RNF13: variants seen among roughly 807,000 people sequenced by gnomAD.
RNF13 encodes the protein ring finger protein 13.
Under a neutral mutation model 37.7 loss-of-function variants are expected in RNF13, and 19 were observed. The ratio of observed to expected loss-of-function variants is 0.50; its 90% CI spans 0.35 to 0.74. The LOEUF (loss-of-function observed/expected upper bound fraction) is 0.74. RNF13 is among the 30% of genes least tolerant of loss of function. The probability of loss-of-function intolerance (pLI) is 0.01; values close to 1 mark genes in which losing one functional copy is unlikely to be tolerated. For synonymous variants in RNF13, 144 were observed against 157.8 expected (o/e 0.91, Z 0.65); for missense variants, 375 against 453.0 (o/e 0.83, Z 1.56).
At chr3:149,950,903 T>C (rs1452344431) in intron 8 of RNF13, among the ~76,000 whole-genome samples, 1 of 152,144 alleles carries the variant, frequency 6.6e-6, no homozygotes, top group Non-Finnish European at 1.5e-5. Context: ...TTCTGTTCCA[T>C]GTAGGTTAGA....
intron 4 of RNF13, among the ~76,000 whole-genome samples, chr3:149,885,426 A>G (rs568012745): frequency 2.8e-4 from 43 of 152,148 alleles, no homozygotes; most frequent in Non-Finnish European, 1.2e-4. Context: ...AAGCATTTCA[A>G]CTGGGGTGAG....
intron 2 of RNF13, chr3:149,851,534 C>T (rs1723119944): frequency 6.6e-6 from 1 of 152,178 alleles, no homozygotes; most frequent in Non-Finnish European, 1.5e-5. Context: ...CTTGATCCTT[C>T]CATCTTTTCT....
chr3:149,838,326 G>A (rs1198469236), intron 1 of RNF13, among the ~76,000 whole-genome samples: 6 of 152,178 alleles, frequency 3.9e-5, no homozygotes, highest in Admixed American at 3.9e-4. Flanking sequence ...ACCAGGTGGT[G>A]CCTCAGTAGG....
rs35102088 is a variant in RNF13, at chr3:149,877,367, A to G, written c.321+5213A>G. 4.7e-3 allele frequency among the ~76,000 whole-genome samples: 711 copies of G among 152,138 alleles called. 3 individuals carry two copies. Among genetic ancestry groups the G allele is most frequent in the Middle Eastern group, 0.01 (3 of 294 alleles). ...CTAAGCCTAGATATTTATTTATCCC[A>G]CAGATATTTTTCTCTAGTTCTCAAT... On this transcript the variant is annotated intron_variant, in intron 4 of 9. Coordinates refer to ENST00000392894, the MANE Select transcript of RNF13 (RefSeq NM_183381.3).
chr3:149,942,394 G>A (rs934424696), intron 8 of RNF13, among the ~76,000 whole-genome samples: 72 of 152,170 alleles, frequency 4.7e-4, no homozygotes, highest in African/African-American at 1.7e-3. Context: ...TTAGTTTGTA[G>A]TGTAGAAACC....
intron 6 of RNF13, among the ~76,000 whole-genome samples, chr3:149,908,411 A>G (rs563738899): frequency 3.9e-5 from 6 of 152,220 alleles, no homozygotes; most frequent in East Asian, 1.9e-4. Context: ...TAGGGATTCT[A>G]TTTTTTCACA....
intron 1 of RNF13, among the ~76,000 whole-genome samples, chr3:149,833,793 A>T (rs1721308604): frequency 6.6e-6 from 1 of 152,240 alleles, no homozygotes; most frequent in Non-Finnish European, 1.5e-5. Context: ...AATGAAAGGC[A>T]TCAAAATTAG....
chr3:149,877,465 T>C (rs1178503253), intron 4 of RNF13, among the ~76,000 whole-genome samples: 1 of 150,190 alleles, frequency 6.7e-6, no homozygotes, highest in African/African-American at 2.4e-5. Context: ...ACTCTTTTTC[T>C]TTCTGTCTTT....
Position 149,960,898 on chromosome 3 carries a change from C to G in RNF13, c.940C>G (p.Pro314Ala). Residue 314 changes from proline (P) to alanine (A), a missense_variant, in exon 10 of 10, where the codon CCT (proline) becomes GCT (alanine). Pro to Ala is a conservative substitution (Grantham distance 27, BLOSUM62 -1). Transcript: ENST00000392894. ...EVTEHTPLLR[P>A]LASVSAQSFG... ...GACAGAACATACCCCTTTACTGAGACCTTTAGCTTCTGTCAGTGCCCAGTC... is the reference window on the plus strand; with the variant it reads ...GACAGAACATACCCCTTTACTGAGAGCTTTAGCTTCTGTCAGTGCCCAGTC... 4 of 1,614,150 alleles carry G rather than the reference C, an allele frequency of 2.5e-6. No homozygotes were observed. The highest frequency in any genetic ancestry group is 3.4e-6 in the Non-Finnish European group (4 of 1,180,002).
At chr3:149,906,645 C>CTTTTTTTTTTTTTTTTTT (rs35801459) in intron 6 of RNF13, among the ~76,000 whole-genome samples, 2 of 79,154 alleles carry the variant, frequency 2.5e-5, no homozygotes, top group Admixed American at 1.9e-4. Flanking sequence ...TTCAATTCTG[C>CTTTTTTTTTTTTTTTTTT]TTTTTTTTTT....
At chr3:149,924,588 A>G (rs1319521568) in intron 8 of RNF13, among the ~76,000 whole-genome samples, 4 of 152,234 alleles carry the variant, frequency 2.6e-5, no homozygotes, top group African/African-American at 9.6e-5. Flanking sequence ...GCTGCTGAAC[A>G]TAAGTAAGAT....
intron 3 of RNF13, among the ~76,000 whole-genome samples, chr3:149,855,524 A>AT (rs924576170): frequency 6.6e-5 from 10 of 151,238 alleles, no homozygotes; most frequent in East Asian, 1.9e-4. Context: ...TGCATTAAAA[A>AT]ATATATATGT....
intron 3 of RNF13, among the ~76,000 whole-genome samples, chr3:149,868,123 T>TA (rs1711560191): frequency 6.6e-6 from 1 of 151,864 alleles, no homozygotes; most frequent in African/African-American, 2.4e-5. Context: ...ATTTTTATAT[T>TA]ACCTATCTCT....
intron 5 of RNF13, among the ~76,000 whole-genome samples, chr3:149,896,825 T>A (rs888328227): frequency 1.3e-5 from 2 of 152,114 alleles, no homozygotes; most frequent in Non-Finnish European, 2.9e-5. Context: ...AATTATAATA[T>A]GTAAAAAGTA....
In RNF13 at chr3:149,926,431, C is replaced by T. The variant is rs185214196; in HGVS notation, c.700+5204C>T. ...TTCACCATGTTAGCCAGGATGATCT[C>T]GATCTCCTGACCTCATGATCTGCCC... On this transcript the variant is annotated intron_variant, in intron 8 of 9. Transcript: ENST00000392894. Among the ~76,000 whole-genome samples the T allele has an allele frequency of 2.6e-3, 402 of 152,192 alleles. 1 individual carries two copies. The highest frequency in any genetic ancestry group is 9.3e-3 in the African/African-American group (385 of 41,534).
intron 9 of RNF13, 71 bp downstream of exon 9, chr3:149,960,207 A>G: frequency 9.4e-7 from 1 of 1,062,766 alleles, no homozygotes; most frequent in Non-Finnish European, 1.5e-6. Flanking sequence ...TTCCAGGGGA[A>G]GAGATGGAAA....
chr3:149,814,179 A>G (rs1467892964), intron 1 of RNF13: 1 of 152,226 alleles, frequency 6.6e-6, no homozygotes, highest in African/African-American at 2.4e-5. Context: ...TCAGTGATGC[A>G]GCAGAAACAG....
chr3:149,819,452 T>A (rs866492767), intron 1 of RNF13, among the ~76,000 whole-genome samples: 22 of 152,356 alleles, frequency 1.4e-4, no homozygotes, highest in Admixed American at 2.0e-4. Context: ...CTTTCATACT[T>A]TAATTTATAC....
At chr3:149,900,248 C>A (rs1670606813) in intron 5 of RNF13, among the ~76,000 whole-genome samples, 2 of 152,026 alleles carry the variant, frequency 1.3e-5, no homozygotes, top group Non-Finnish European at 2.9e-5. Flanking sequence ...AAAGTTATTC[C>A]TTGAGTTTGT....
Sources: allele counts gnomAD v4.1 joint callset (sites outside exome capture counted in the v4.1 genomes callset), GRCh38; gene constraint gnomAD v4.1.1; transcripts MANE v1.5; gene names NCBI Gene and HGNC (gene_info 2026-07-23, HGNC 2026-07-21).